The following FHIT variants were observed in gnomAD, a reference collection of about 807,000 sequenced individuals.
FHIT encodes fragile histidine triad diadenosine triphosphatase.
A neutral mutation model predicts 17.9 loss-of-function variants in FHIT; 19 were observed. The ratio of observed to expected loss-of-function variants is 1.06; its 90% CI spans 0.74 to 1.56. FHIT has a LOEUF of 1.56. FHIT is among the 40% of genes most tolerant of loss of function. The pLI, the probability that FHIT is intolerant of heterozygous loss-of-function variation, is 0.00. For synonymous variants in FHIT, 81 were observed against 69.7 expected (o/e 1.16, Z -0.81); for missense variants, 248 against 189.2 (o/e 1.31, Z -1.82).
intron 4 of FHIT, among the ~76,000 whole-genome samples, chr3:60,737,475 A>T (rs567794992): frequency 6.6e-6 from 1 of 152,374 alleles, no homozygotes; most frequent in Non-Finnish European, 1.5e-5. Context: ...TGGCTAGCCT[A>T]CATGAAGATA....
At chr3:60,418,343 T>C (rs1003167358) in intron 5 of FHIT, among the ~76,000 whole-genome samples, 1 of 142,124 alleles carries the variant, frequency 7.0e-6, no homozygotes, top group African/African-American at 2.6e-5. Flanking sequence ...TATTAATACA[T>C]ATACAAACCT....
intron 5 of FHIT, among the ~76,000 whole-genome samples, chr3:60,199,713 C>G (rs1395620343): frequency 6.6e-6 from 1 of 152,022 alleles, no homozygotes; most frequent in Non-Finnish European, 1.5e-5. Context: ...CATTCAAGGT[C>G]AATGATAAGA....
At position 61,211,892 on chromosome 3, in the gene FHIT, A is replaced by T. The variant is rs146702629; in HGVS notation, c.-212-11227T>A. Among the ~76,000 whole-genome samples the T allele has an allele frequency of 2.3e-3, 346 of 152,314 alleles. 1 individual carries two copies. The highest frequency in any genetic ancestry group is 7.8e-3 in the African/African-American group (323 of 41,562). On this transcript the variant is annotated intron_variant, in intron 1 of 9. Coordinates refer to ENST00000492590, the MANE Select transcript of FHIT (RefSeq NM_002012.4). ...AGCCACTGCTGCTGATACCCAGGCA[A>T]ACAGAGTCTGGAGTGGACCTCTAGC...
At chr3:60,121,146 A>G (rs1198530317) in intron 5 of FHIT, among the ~76,000 whole-genome samples, 1 of 152,248 alleles carries the variant, frequency 6.6e-6, no homozygotes, top group East Asian at 1.9e-4. Flanking sequence ...GGCAATTTAA[A>G]CTACCCCTAT....
chr3:60,024,536 C>T (rs1700666033), intron 5 of FHIT, among the ~76,000 whole-genome samples: 1 of 152,182 alleles, frequency 6.6e-6, no homozygotes, highest in African/African-American at 2.4e-5. Flanking sequence ...GAGCCGACTA[C>T]CTGGCAAGTA....
intron 4 of FHIT, among the ~76,000 whole-genome samples, chr3:60,706,978 G>C (rs2041389239): frequency 6.6e-6 from 1 of 152,222 alleles, no homozygotes; most frequent in African/African-American, 2.4e-5. Context: ...CATGCAGACA[G>C]GAGCCCAAGC....
At chr3:60,190,168 A>C (rs1385357629) in intron 5 of FHIT, among the ~76,000 whole-genome samples, 1 of 152,196 alleles carries the variant, frequency 6.6e-6, no homozygotes, top group African/African-American at 2.4e-5. Context: ...CAACATTTGG[A>C]AAGTTGAATT....
intron 5 of FHIT, among the ~76,000 whole-genome samples, chr3:60,248,209 T>C (rs1199778116): frequency 6.6e-6 from 1 of 152,148 alleles, no homozygotes; most frequent in African/African-American, 2.4e-5. Context: ...TCCCTAGGTT[T>C]ATTCTTTGGT....
chr3:60,886,011 C>G (rs1705205986), intron 3 of FHIT, among the ~76,000 whole-genome samples: 1 of 152,128 alleles, frequency 6.6e-6, no homozygotes, highest in Non-Finnish European at 1.5e-5. Context: ...TTTCCTAAAC[C>G]ATTGCTTGGC....
chr3:60,480,051 CTTAA>C (rs1370935194), intron 5 of FHIT, among the ~76,000 whole-genome samples: 2 of 152,090 alleles, frequency 1.3e-5, no homozygotes, highest in Non-Finnish European at 2.9e-5. Context: ...AGAGAAGAGG[CTTAA>C]TTGACTCACA....
intron 5 of FHIT, among the ~76,000 whole-genome samples, chr3:60,290,877 A>G (rs534023856): frequency 6.6e-6 from 1 of 152,302 alleles, no homozygotes; most frequent in East Asian, 1.9e-4. Flanking sequence ...TGGCTGTGCC[A>G]AGAACTCCTG....
chr3:60,880,094 G>C (rs1428824315), intron 3 of FHIT, among the ~76,000 whole-genome samples: 2 of 152,096 alleles, frequency 1.3e-5, no homozygotes, highest in African/African-American at 4.8e-5. Flanking sequence ...AATTGTCAAA[G>C]TCAAAGACAA....
chr3:60,693,898 G>A (rs574628393), intron 4 of FHIT, among the ~76,000 whole-genome samples: 54 of 152,310 alleles, frequency 3.5e-4, no homozygotes, highest in African/African-American at 1.2e-3. Flanking sequence ...CACCAGCACT[G>A]AATAGAAAGA....
intron 7 of FHIT, among the ~76,000 whole-genome samples, chr3:59,950,373 C>T (rs1478735718): frequency 6.6e-6 from 1 of 152,154 alleles, no homozygotes; most frequent in African/African-American, 2.4e-5. Context: ...ATGTACCAGC[C>T]ACCTGACCTT....
chr3:60,623,020 A>C (rs569162696), intron 4 of FHIT, among the ~76,000 whole-genome samples: 3 of 152,294 alleles, frequency 2.0e-5, no homozygotes, highest in East Asian at 3.9e-4. Flanking sequence ...GTGCAAACAT[A>C]ATCAGCCTTT....
intron 8 of FHIT, among the ~76,000 whole-genome samples, chr3:59,877,682 ATT>A (rs1703225469): frequency 6.6e-6 from 1 of 152,226 alleles, no homozygotes; most frequent in South Asian, 2.1e-4. Flanking sequence ...TTTTAGAGGG[ATT>A]CAGATAATAC....
chr3:61,235,597 G>A (rs2040211612), intron 1 of FHIT, among the ~76,000 whole-genome samples: 1 of 152,122 alleles, frequency 6.6e-6, no homozygotes, highest in Non-Finnish European at 1.5e-5. Context: ...AGCTACTTGG[G>A]AGGCTGAGAC....
At chr3:59,917,255 C>T (rs1218555166) in intron 8 of FHIT, among the ~76,000 whole-genome samples, 1 of 152,218 alleles carries the variant, frequency 6.6e-6, no homozygotes, top group African/African-American at 2.4e-5. Flanking sequence ...TTGCTGATTG[C>T]TATTCCCACT....
At chr3:60,120,531 T>G (rs1463358216) in intron 5 of FHIT, among the ~76,000 whole-genome samples, 1 of 152,242 alleles carries the variant, frequency 6.6e-6, no homozygotes, top group Non-Finnish European at 1.5e-5. Context: ...AGCAATTTCC[T>G]ATTTGATTAA....
Sources: gnomAD v4.1 joint callset for allele counts (sites outside exome capture counted in the v4.1 genomes callset) on GRCh38, gnomAD v4.1.1 for gene constraint, MANE v1.5 for transcripts, NCBI Gene and HGNC (gene_info 2026-07-23, HGNC 2026-07-21) for gene names.